The following CORO2B variants were observed in gnomAD, a reference collection of about 807,000 sequenced individuals.
CORO2B encodes coronin 2B.
Under a neutral mutation model 58.8 loss-of-function variants are expected in CORO2B, and 26 were observed. The observed-to-expected ratio is 0.44, with a 90% CI of 0.32 to 0.61. The LOEUF (loss-of-function observed/expected upper bound fraction) is 0.61, where lower values mean the gene tolerates loss of function less well. Ranked by LOEUF, CORO2B falls within the 20% of genes least tolerant of loss-of-function variation. The pLI, the probability that CORO2B is intolerant of heterozygous loss-of-function variation, is 0.04. For missense variants in CORO2B, 460 were observed against 645.1 expected (o/e 0.71, Z 3.11); for synonymous variants, 242 against 253.8 (o/e 0.95, Z 0.44).
At chr15:68,560,691 C>T in the CORO2B span, among the ~76,000 whole-genome samples, 2 of 152,324 alleles carry the variant, frequency 1.3e-5, no homozygotes, top group East Asian at 1.9e-4. Flanking sequence ...ACCCATCTTC[C>T]TCCTCTCTGC....
chr15:68,685,565 G>A (rs1274141366), intron 2 of CORO2B, among the ~76,000 whole-genome samples: 4 of 152,146 alleles, frequency 2.6e-5, no homozygotes, highest in African/African-American at 9.7e-5. Context: ...CCAACCTTCA[G>A]CTGCTGACTC....
At chr15:68,521,983 A>AT in the CORO2B span, among the ~76,000 whole-genome samples, 1 of 152,036 alleles carries the variant, frequency 6.6e-6, no homozygotes, top group South Asian at 2.1e-4. Flanking sequence ...AATTTGTAAA[A>AT]TTTTTTGTAG....
intron 1 of CORO2B, among the ~76,000 whole-genome samples, chr15:68,603,638 C>G (rs1900036944): frequency 6.6e-6 from 1 of 152,118 alleles, no homozygotes; most frequent in Non-Finnish European, 1.5e-5. Flanking sequence ...CCCAGTAGGA[C>G]TGGTGTCCTT....
chr15:68,711,818 C>G, intron 5 of CORO2B, 112 bp downstream of exon 5: 1 of 1,227,338 alleles, frequency 8.1e-7, no homozygotes, highest in Non-Finnish European at 1.2e-6. Flanking sequence ...CAGTGCATCT[C>G]ACTGCACCTC....
chr15:68,704,039 T>TACACAC (rs10566834), intron 3 of CORO2B, among the ~76,000 whole-genome samples: 16 of 128,154 alleles, frequency 1.2e-4, no homozygotes, highest in African/African-American at 4.2e-4. Context: ...TACACACACA[T>TACACAC]ACACACACAC....
chr15:68,545,226 G>A, the CORO2B span, among the ~76,000 whole-genome samples: 7 of 152,302 alleles, frequency 4.6e-5, no homozygotes, highest in African/African-American at 9.6e-5. Flanking sequence ...CCTTGCCATG[G>A]AGTCTTCACG....
the CORO2B span, among the ~76,000 whole-genome samples, chr15:68,520,922 A>T: frequency 1.3e-5 from 2 of 152,066 alleles, no homozygotes; most frequent in African/African-American, 4.8e-5. Flanking sequence ...GATGGCGTGC[A>T]CCTGTAATCC....
chr15:68,706,477 G>A (rs1892788878), intron 3 of CORO2B, among the ~76,000 whole-genome samples: 2 of 152,226 alleles, frequency 1.3e-5, no homozygotes. Flanking sequence ...CCCTCGGGAG[G>A]TGTTAGTGGA....
intron 1 of CORO2B, among the ~76,000 whole-genome samples, chr15:68,604,447 C>G (rs1900058695): frequency 6.6e-6 from 1 of 151,996 alleles, no homozygotes; most frequent in Admixed American, 6.5e-5. Context: ...GAGGATAGCC[C>G]TAAGAATGCC....
the CORO2B span, among the ~76,000 whole-genome samples, chr15:68,536,946 C>T: frequency 1.3e-5 from 2 of 152,174 alleles, no homozygotes; most frequent in Non-Finnish European, 2.9e-5. Context: ...AGGGAAACCA[C>T]GAATGGTGGT....
upstream of CORO2B, among the ~76,000 whole-genome samples, chr15:68,575,837 T>C (rs1190105475): frequency 6.6e-6 from 1 of 151,598 alleles, no homozygotes; most frequent in African/African-American, 2.4e-5. Context: ...AGTAGTGTTG[T>C]GGTGTTAACA....
At chr15:68,724,926 G>A (rs1893256337) in intron 11 of CORO2B, among the ~76,000 whole-genome samples, 1 of 152,088 alleles carries the variant, frequency 6.6e-6, no homozygotes, top group African/African-American at 2.4e-5. Context: ...GTGAAGATCT[G>A]CCAGGATAGC....
chr15:68,646,396 G>A (rs1343995988), intron 2 of CORO2B, among the ~76,000 whole-genome samples: 1 of 152,166 alleles, frequency 6.6e-6, no homozygotes, highest in Non-Finnish European at 1.5e-5. Flanking sequence ...AGGAAGAGGT[G>A]CATGTGGAAG....
chr15:68,682,722 A>G (rs1324778449), intron 2 of CORO2B, among the ~76,000 whole-genome samples: 1 of 152,184 alleles, frequency 6.6e-6, no homozygotes, highest in Non-Finnish European at 1.5e-5. Flanking sequence ...AGACCTAGAG[A>G]GACAGAGATT....
intron 1 of CORO2B, among the ~76,000 whole-genome samples, chr15:68,608,316 G>T (rs1200894565): frequency 1.3e-5 from 2 of 152,206 alleles, no homozygotes; most frequent in Non-Finnish European, 2.9e-5. Context: ...AACATTGGTG[G>T]TTACAGTTTC....
intron 2 of CORO2B, among the ~76,000 whole-genome samples, chr15:68,686,198 G>C (rs1034102902): frequency 1.3e-5 from 2 of 150,026 alleles, no homozygotes; most frequent in African/African-American, 4.9e-5. Flanking sequence ...CACCACGCCT[G>C]GCTAATTTTG....
At chr15:68,676,296 G>A (rs1254872678) in intron 2 of CORO2B, among the ~76,000 whole-genome samples, 1 of 152,218 alleles carries the variant, frequency 6.6e-6, no homozygotes, top group Non-Finnish European at 1.5e-5. Flanking sequence ...ATCTGTGGGT[G>A]AGGGACATAG....
At chr15:68,715,569 C>A (rs1028160365) in intron 8 of CORO2B, among the ~76,000 whole-genome samples, 1 of 152,228 alleles carries the variant, frequency 6.6e-6, no homozygotes, top group African/African-American at 2.4e-5. Flanking sequence ...CTCCTGATCG[C>A]AGATGGGGAG....
the CORO2B span, among the ~76,000 whole-genome samples, chr15:68,543,838 C>T: frequency 6.6e-6 from 1 of 152,154 alleles, no homozygotes; most frequent in Admixed American, 6.5e-5. Flanking sequence ...ACTGCGGTGA[C>T]TGCCAAACTG....
Sources: allele counts gnomAD v4.1 joint callset (sites outside exome capture counted in the v4.1 genomes callset), GRCh38; gene constraint gnomAD v4.1.1; transcripts MANE v1.5; gene names NCBI Gene and HGNC (gene_info 2026-07-23, HGNC 2026-07-21).